The following TMOD1 variants were observed in gnomAD, a reference collection of about 807,000 sequenced individuals.
TMOD1 encodes tropomodulin 1, also known as tropomodulin-1.
Under a neutral mutation model 40.6 loss-of-function variants are expected in TMOD1, and 17 were observed. The ratio of observed to expected loss-of-function variants is 0.42; its 90% confidence interval spans 0.29 to 0.63. The LOEUF (loss-of-function observed/expected upper bound fraction) is 0.63, where lower values mean the gene tolerates loss of function less well. TMOD1 is among the 20% of genes least tolerant of loss of function. TMOD1 has a pLI of 0.22. For missense variants in TMOD1, 391 were observed against 447.6 expected (o/e 0.87, Z 1.14); for synonymous variants, 181 against 175.0 (o/e 1.03, Z -0.27).
chr9:97,599,509 C>CAACA, intron 9 of TMOD1, 125 bp from the exon 10 acceptor site: 1 of 1,206,160 alleles, frequency 8.3e-7, no homozygotes, highest in Non-Finnish European at 1.2e-6. Flanking sequence ...CCTTTCAAAA[C>CAACA]AACAGACTTC....
At chr9:97,559,817 A>ATGTC (rs1370049302) in intron 4 of TMOD1, among the ~76,000 whole-genome samples, 37 of 43,268 alleles carry the variant, frequency 8.6e-4, no homozygotes, top group African/African-American at 3.3e-3. Flanking sequence ...ATATATATAT[A>ATGTC]TATATATGTC....
intron 9 of TMOD1, among the ~76,000 whole-genome samples, chr9:97,592,631 G>GTCAC (rs1214347920): frequency 6.6e-6 from 1 of 152,146 alleles, no homozygotes; most frequent in Admixed American, 6.5e-5. Flanking sequence ...CTGAGGCCAG[G>GTCAC]TCACTACCTG....
At position 97,564,135 on chromosome 9, in the gene TMOD1, A is replaced by C. The variant is rs752157338; in HGVS notation, c.585A>C (p.Pro195=). The C allele has an allele frequency of 2.5e-6, 4 of 1,612,320 alleles. No homozygotes were observed. The highest frequency in any genetic ancestry group is 1.7e-5 in the Admixed American group (1 of 59,692). ...TGGAACGGATAAAGAACAACGACCC[A>C]AAACTTGAAGAAGTTAACCTCAATA... ...ETLERIKNND[P]KLEEVNLNNI... The change falls in exon 6 of 10, where the codon CCA becomes CCC. Residue 195 remains proline, a synonymous_variant. Coordinates refer to ENST00000259365, the MANE Select transcript of TMOD1 (RefSeq NM_003275.4).
At position 97,515,967 on chromosome 9, in the gene TMOD1, A is replaced by C. The variant is rs564054359; in HGVS notation, c.-48-8174A>C. 7.2e-5 allele frequency among the ~76,000 whole-genome samples: 11 copies of C among 152,262 alleles called. No homozygotes were observed. The South Asian group carries it at 1.9e-3, about 26-fold the overall frequency. On this transcript the variant is annotated intron_variant, in intron 1 of 9. Coordinates refer to ENST00000259365, the MANE Select transcript of TMOD1 (RefSeq NM_003275.4). ...CATCGGAGGAGTGGTTATTGGCATAATTATTGCACCACCTTTTATGACCCT... is the reference window on the plus strand; with the variant it reads ...CATCGGAGGAGTGGTTATTGGCATACTTATTGCACCACCTTTTATGACCCT...
At chr9:97,584,176 C>A (rs148723158) in intron 8 of TMOD1, among the ~76,000 whole-genome samples, 1 of 151,844 alleles carries the variant, frequency 6.6e-6, no homozygotes, top group Admixed American at 6.6e-5. Flanking sequence ...GCTTTGAATG[C>A]GTCCCAGAGA....
At chr9:97,574,136 A>G (rs1830870001) in intron 8 of TMOD1, among the ~76,000 whole-genome samples, 1 of 152,152 alleles carries the variant, frequency 6.6e-6, no homozygotes, top group Admixed American at 6.5e-5. Context: ...GGAGCCCTTC[A>G]GCCCGCCGCT....
chr9:97,509,440 A>C (rs1829657241), intron 1 of TMOD1, among the ~76,000 whole-genome samples: 1 of 151,376 alleles, frequency 6.6e-6, no homozygotes, highest in Non-Finnish European at 1.5e-5. Context: ...TTATTTACTC[A>C]ATGTCTTATT....
intron 1 of TMOD1, among the ~76,000 whole-genome samples, chr9:97,511,456 A>G (rs1829696907): frequency 1.3e-5 from 2 of 152,158 alleles, no homozygotes; most frequent in African/African-American, 4.8e-5. Context: ...AACCACCATC[A>G]ATCAAGACAT....
intron 4 of TMOD1, among the ~76,000 whole-genome samples, chr9:97,554,704 C>T (rs1363939528): frequency 6.6e-6 from 1 of 152,070 alleles, no homozygotes; most frequent in African/African-American, 2.4e-5. Flanking sequence ...GGCCAGGAGA[C>T]TCAGAGGCAT....
intron 3 of TMOD1, among the ~76,000 whole-genome samples, chr9:97,552,494 T>G (rs1441574943): frequency 6.6e-6 from 1 of 152,222 alleles, no homozygotes; most frequent in Non-Finnish European, 1.5e-5. Flanking sequence ...TTTTGAGGAT[T>G]TTACTCACTG....
At chr9:97,549,837 C>G (rs1006283258) in intron 3 of TMOD1, among the ~76,000 whole-genome samples, 1 of 152,140 alleles carries the variant, frequency 6.6e-6, no homozygotes, top group South Asian at 2.1e-4. Flanking sequence ...ATCTCCGTAC[C>G]TCCACCCGCC....
Position 97,569,015 on chromosome 9 carries a change from T to C in TMOD1, c.848T>C (p.Val283Ala). The C allele has an allele frequency of 6.2e-7, 1 of 1,614,064 alleles. No homozygotes were observed. Among genetic ancestry groups the C allele is most frequent in the Non-Finnish European group, 8.5e-7 (1 of 1,180,004 alleles). ...VEALPYNTSL[V>A]EMKIDNQSQP... ...GCCCTCCCATACAACACTTCTCTGG[T>C]GGAAATGAAAATTGACAACCAGGTG... Residue 283 changes from valine to alanine, a missense_variant, in exon 8 of 10, where the codon GTG (valine) becomes GCG (alanine). Physicochemically the swap from Val to Ala is moderately conservative, Grantham distance 64. Coordinates refer to ENST00000259365, the MANE Select transcript of TMOD1 (RefSeq NM_003275.4).
At chr9:97,531,043 C>CCT (rs1554754353) in intron 2 of TMOD1, among the ~76,000 whole-genome samples, 3 of 138,432 alleles carry the variant, frequency 2.2e-5, no homozygotes, top group East Asian at 4.3e-4. Context: ...ACCCACCCCC[C>CCT]CCACCACCCC....
At chr9:97,544,641 A>G (rs1239962291) in intron 2 of TMOD1, among the ~76,000 whole-genome samples, 1 of 152,164 alleles carries the variant, frequency 6.6e-6, no homozygotes, top group Non-Finnish European at 1.5e-5. Flanking sequence ...CATATCCCTG[A>G]TAACAGTCCC....
intron 2 of TMOD1, among the ~76,000 whole-genome samples, chr9:97,539,978 AAAAAAAAAAAAAG>A (rs1830250762): frequency 6.6e-6 from 1 of 151,340 alleles, no homozygotes; most frequent in Non-Finnish European, 1.5e-5. Flanking sequence ...TCTCAAAAAA[AAAAAAAAAAAAAG>A]AAAAGAAAAA....
rs554717095 is a variant in TMOD1 at position 97,506,320 on chromosome 9, T to C, written c.-49+4517T>C. ...ACTAAAAGCTCCCTGAGGACGAGGTTTCTGACTCATTTATTTCTGCTTCCC... is the reference window on the plus strand; with the variant it reads ...ACTAAAAGCTCCCTGAGGACGAGGTCTCTGACTCATTTATTTCTGCTTCCC... On this transcript the variant is annotated intron_variant, in intron 1 of 9. Transcript: ENST00000259365. 3.3e-5 allele frequency among the ~76,000 whole-genome samples: 5 copies of C among 152,212 alleles called. No homozygotes were observed. The South Asian group carries it at 1.0e-3, about 32-fold the overall frequency.
chr9:97,524,370 G>T, intron 2 of TMOD1, 62 bp downstream of exon 2: 1 of 1,569,772 alleles, frequency 6.4e-7, no homozygotes, highest in Non-Finnish European at 8.6e-7. Flanking sequence ...AGGGACAGGT[G>T]GATGCTTCCT....
intron 3 of TMOD1, among the ~76,000 whole-genome samples, chr9:97,552,532 T>G (rs1219649956): frequency 6.6e-6 from 1 of 152,240 alleles, no homozygotes; most frequent in Non-Finnish European, 1.5e-5. Context: ...GAAAGGTGCC[T>G]GGCACATAGG....
At chr9:97,509,509 T>G (rs949030645) in intron 1 of TMOD1, among the ~76,000 whole-genome samples, 5 of 121,346 alleles carry the variant, frequency 4.1e-5, no homozygotes, top group South Asian at 2.5e-4. Context: ...GGTTTTTTTT[T>G]TTGTTTTTTG....
Sources: allele counts gnomAD v4.1 joint callset (sites outside exome capture counted in the v4.1 genomes callset), GRCh38; gene constraint gnomAD v4.1.1; transcripts MANE v1.5; gene names NCBI Gene and HGNC (gene_info 2026-07-23, HGNC 2026-07-21).